Variants in CEP128 observed in about 807,000 individuals in gnomAD.
The protein encoded by CEP128 is centrosomal protein 128kDa.
In CEP128, 132 loss-of-function variants were observed where a neutral mutation model predicts 156.7. That is an observed-to-expected ratio of 0.84 (90% confidence interval 0.73 to 0.97). CEP128 has a LOEUF of 0.97. Among genes scored for constraint, CEP128 ranks in the 50% least tolerant of loss-of-function variants. The pLI, the probability that CEP128 is intolerant of heterozygous loss-of-function variation, is 0.00. For missense variants in CEP128, 1,252 were observed against 1,281.9 expected, an observed-to-expected ratio of 0.98 and a Z score of 0.36; for synonymous variants, 469 against 448.9, an observed-to-expected ratio of 1.04 and a Z score of -0.57.
chr14:80,490,490 CTT>C (rs1566735912), exon 7 of CEP128: 2 of 152,112 alleles, frequency 1.3e-5, no homozygotes, highest in African/African-American at 4.8e-5. Flanking sequence ...ACATTTGCAA[CTT>C]TTATAATCAA....
chr14:80,904,215 T>C (rs1020052955), intron 6 of CEP128, among the ~76,000 whole-genome samples: 2 of 152,118 alleles, frequency 1.3e-5, no homozygotes, highest in African/African-American at 4.8e-5. Context: ...GAAGACATTA[T>C]GTTAAGTAAA....
chr14:80,510,013 T>G (rs1888170554), intron 23 of CEP128, among the ~76,000 whole-genome samples: 1 of 152,238 alleles, frequency 6.6e-6, no homozygotes, highest in Admixed American at 6.5e-5. Context: ...ACATGCTCTT[T>G]TGGTTACTAT....
At chr14:80,860,369 A>G (rs942122109) in intron 9 of CEP128, among the ~76,000 whole-genome samples, 3 of 152,308 alleles carry the variant, frequency 2.0e-5, no homozygotes, top group Admixed American at 6.5e-5. Flanking sequence ...TCCAAATCAC[A>G]GCTGAAGCTT....
chr14:80,614,146 GA>G (rs1431128106), intron 19 of CEP128, among the ~76,000 whole-genome samples: 5 of 151,610 alleles, frequency 3.3e-5, no homozygotes, highest in African/African-American at 1.2e-4. Flanking sequence ...AAAATTGGAA[GA>G]AAAAAATTGA....
intron 21 of CEP128, among the ~76,000 whole-genome samples, chr14:80,547,847 G>A (rs2004119): frequency 0.6 from 89,633 of 149,680 alleles, 27,956 homozygotes; most frequent in African/African-American, 0.79. Context: ...TGCCCAAGCT[G>A]GAGTGCAATG....
intron 15 of CEP128, among the ~76,000 whole-genome samples, chr14:80,778,815 TA>T (rs1900942868): frequency 6.6e-6 from 1 of 152,198 alleles, no homozygotes; most frequent in Non-Finnish European, 1.5e-5. Flanking sequence ...AAAATAACAA[TA>T]ATGTAAACAC....
chr14:80,501,453 T>C (rs894524090), intron 24 of CEP128, among the ~76,000 whole-genome samples: 9 of 152,154 alleles, frequency 5.9e-5, no homozygotes, highest in African/African-American at 2.2e-4. Context: ...AATCTACTTT[T>C]AGAAATACAA....
chr14:80,652,222 C>G (rs1265630462), intron 19 of CEP128, among the ~76,000 whole-genome samples: 1 of 151,994 alleles, frequency 6.6e-6, no homozygotes, highest in African/African-American at 2.4e-5. Context: ...AAATGTAAGA[C>G]CTAAAACCAT....
At chr14:80,487,470 G>C (rs569565984), downstream of CEP128, among the ~76,000 whole-genome samples, 111 of 152,254 alleles carry the variant, frequency 7.3e-4, no homozygotes, top group Non-Finnish European at 1.3e-3. Context: ...AGATCAACGA[G>C]ACAGAAAGTT....
Position 80,588,453 on chromosome 14 carries a change from T to C in CEP128, c.2807-8030A>G, listed in dbSNP as rs114314936. ...TACCAAATTTGGCCTAGTATGTTGA[T>C]ATATTCTCTCAGGGAAGTAAATGAT... On this transcript the variant is annotated intron_variant, in intron 19 of 24. Coordinates refer to ENST00000555265, the MANE Select transcript of CEP128 (RefSeq NM_152446.5). 7.5e-4 allele frequency among the ~76,000 whole-genome samples: 114 copies of C among 152,282 alleles called. 1 individual carries two copies. The highest frequency in any genetic ancestry group is 2.5e-3 in the African/African-American group (103 of 41,570).
intron 13 of CEP128, among the ~76,000 whole-genome samples, chr14:80,799,234 G>T (rs1451261515): frequency 6.6e-6 from 1 of 152,186 alleles, no homozygotes; most frequent in Non-Finnish European, 1.5e-5. Flanking sequence ...TGTGGCAGGG[G>T]AACATAAATT....
At chr14:80,630,987 A>G (rs1893937420) in intron 19 of CEP128, among the ~76,000 whole-genome samples, 1 of 152,066 alleles carries the variant, frequency 6.6e-6, no homozygotes, top group African/African-American at 2.4e-5. Flanking sequence ...TACTTTCTCA[A>G]AGGGTAATTT....
At chr14:80,486,214 C>T (rs1285834699), downstream of CEP128, among the ~76,000 whole-genome samples, 4 of 151,594 alleles carry the variant, frequency 2.6e-5, no homozygotes, top group Non-Finnish European at 4.4e-5. Context: ...AAGAACTAGG[C>T]GAAGAATGCA....
At chr14:80,494,323 A>G (rs1224879213), downstream of CEP128, among the ~76,000 whole-genome samples, 1 of 152,144 alleles carries the variant, frequency 6.6e-6, no homozygotes, top group Admixed American at 6.6e-5. Flanking sequence ...GTTTTGTTTT[A>G]AATTGAGAGA....
At chr14:80,685,587 A>C (rs1337035406) in intron 19 of CEP128, among the ~76,000 whole-genome samples, 1 of 151,952 alleles carries the variant, frequency 6.6e-6, no homozygotes, top group Non-Finnish European at 1.5e-5. Flanking sequence ...CACATAACTA[A>C]AAAAATTAAA....
chr14:80,808,301 G>T (rs1293582135), intron 13 of CEP128, among the ~76,000 whole-genome samples: 1 of 152,186 alleles, frequency 6.6e-6, no homozygotes, highest in Non-Finnish European at 1.5e-5. Context: ...TAACCTCTGT[G>T]CCCAGGCTTG....
chr14:80,666,111 A>C (rs73332683), intron 19 of CEP128, among the ~76,000 whole-genome samples: 11,014 of 152,264 alleles, frequency 0.072, 782 homozygotes, highest in East Asian at 0.22. Context: ...AAGCTGGTTC[A>C]ATCAAGTTTA....
At chr14:80,796,199 CT>C (rs1883463278) in intron 13 of CEP128, among the ~76,000 whole-genome samples, 7 of 152,140 alleles carry the variant, frequency 4.6e-5, no homozygotes, top group Admixed American at 4.6e-4. Flanking sequence ...TACAATAACT[CT>C]TTAAAAATCT....
At chr14:80,665,677 C>T (rs1374045260) in intron 19 of CEP128, among the ~76,000 whole-genome samples, 1 of 152,114 alleles carries the variant, frequency 6.6e-6, no homozygotes, top group East Asian at 1.9e-4. Flanking sequence ...TCCCTAATCT[C>T]TCGGGGAGAA....
Sources: gnomAD v4.1 joint callset for allele counts (sites outside exome capture counted in the v4.1 genomes callset) on GRCh38, gnomAD v4.1.1 for gene constraint, MANE v1.5 for transcripts, NCBI Gene and HGNC (gene_info 2026-07-23, HGNC 2026-07-21) for gene names.